CDH23: variants seen among roughly 807,000 people sequenced by gnomAD.
The protein encoded by CDH23 is cadherin related 23, also known as cadherin-23.
Under a neutral mutation model 317.1 loss-of-function variants are expected in CDH23, and 189 were observed. The ratio of observed to expected loss-of-function variants is 0.60; its 90% CI spans 0.53 to 0.67. The LOEUF (loss-of-function observed/expected upper bound fraction) is 0.67. CDH23 is among the 30% of genes least tolerant of loss of function. The probability of loss-of-function intolerance (pLI) is 0.00; values close to 1 mark genes in which losing one functional copy is unlikely to be tolerated. For missense variants in CDH23, 4,401 were observed against 4,592.4 expected, an observed-to-expected ratio of 0.96 and a Z score of 1.20; for synonymous variants, 1,839 against 1,876.8, an observed-to-expected ratio of 0.98 and a Z score of 0.52.
chr10:71,405,144 T>A (rs1848035650), intron 1 of CDH23, among the ~76,000 whole-genome samples: 1 of 152,216 alleles, frequency 6.6e-6, no homozygotes, highest in Non-Finnish European at 1.5e-5. Context: ...GGATGCCCTT[T>A]AGCTCTGCCC....
In CDH23 at chr10:71,784,289, G is replaced by A; in HGVS notation, c.5371G>A (p.Glu1791Lys). 6.2e-7 allele frequency: 1 copy of A among 1,613,214 alleles called. No homozygotes were observed. The highest frequency in any genetic ancestry group is 8.5e-7 in the Non-Finnish European group (1 of 1,179,370). Residue 1791 changes from glutamate (E) to lysine (K), a missense_variant and splice_region_variant, in exon 42 of 70, where the codon GAG becomes AAG. Transcript: ENST00000224721. ...YSIMDGDPLGEFVISPVEGVL... is the reference protein window; with the variant it reads ...YSIMDGDPLGKFVISPVEGVL... ...GGGCCTCTCCTGGTGACACCCAGGG[G>A]AGTTTGTGATCTCTCCTGTGGAGGG...
intron 38 of CDH23, among the ~76,000 whole-genome samples, chr10:71,774,424 C>T (rs1277829947): frequency 6.6e-6 from 1 of 152,208 alleles, no homozygotes; most frequent in Non-Finnish European, 1.5e-5. Flanking sequence ...CCTGACCCTT[C>T]CTTTTTCCCG....
At chr10:71,773,484 G>GCGGGACGCGGC in intron 38 of CDH23, 1 of 1,542,520 alleles carries the variant, frequency 6.5e-7, no homozygotes, top group Non-Finnish European at 8.8e-7. Context: ...CGGGGAGCGG[G>GCGGGACGCGGC]CGGGACGCGG....
chr10:71,788,476 G>A (rs1841158399), intron 44 of CDH23, among the ~76,000 whole-genome samples: 1 of 151,254 alleles, frequency 6.6e-6, no homozygotes, highest in African/African-American at 2.4e-5. Context: ...TTTTTTTTGA[G>A]ATGGAGTCTT....
At position 71,688,945 on chromosome 10, in the gene CDH23, C is replaced by T. The variant is rs111217694; in HGVS notation, c.2059+1226C>T. ...GTGGAGCCAGGGGTGGTGGAGCCAA[C>T]GGTGGTGGAGTCAGGGGTGGTGGAG... On this transcript the variant is annotated intron_variant, in intron 19 of 69. Transcript: ENST00000224721. Among the ~76,000 whole-genome samples the T allele has an allele frequency of 1.1e-4, 3 of 27,992 alleles. 1 individual carries two copies. The highest frequency in any genetic ancestry group is 2.7e-4 in the Non-Finnish European group (3 of 11,122). 18.4% of individuals were successfully genotyped at this position (27,992 alleles called of 152,430 possible). A position where few individuals can be genotyped will look rare whatever the true frequency, so the allele number is the denominator to read the frequency against.
chr10:71,537,893 G>A (rs188435862), intron 6 of CDH23, among the ~76,000 whole-genome samples: 77 of 152,258 alleles, frequency 5.1e-4, no homozygotes, highest in African/African-American at 1.7e-3. Flanking sequence ...AACTGAAGCC[G>A]ACTCCTCCCA....
intron 6 of CDH23, among the ~76,000 whole-genome samples, chr10:71,554,622 T>C (rs1024010303): frequency 8.5e-5 from 13 of 152,336 alleles, no homozygotes; most frequent in African/African-American, 3.1e-4. Context: ...GCCCAGCTTC[T>C]GGACTACAGG....
intron 3 of CDH23, among the ~76,000 whole-genome samples, chr10:71,509,709 C>T (rs1329102660): frequency 1.3e-5 from 2 of 152,192 alleles, no homozygotes; most frequent in African/African-American, 4.8e-5. Context: ...GACTTATATG[C>T]TCATCTTGGA....
At chr10:71,527,306 C>A (rs910313307) in intron 6 of CDH23, among the ~76,000 whole-genome samples, 3 of 152,252 alleles carry the variant, frequency 2.0e-5, no homozygotes, top group African/African-American at 7.2e-5. Flanking sequence ...GGTCAGTGCC[C>A]CCAAGTGCTA....
chr10:71,641,649 G>A (rs866307907), intron 11 of CDH23, among the ~76,000 whole-genome samples: 149 of 152,200 alleles, frequency 9.8e-4, no homozygotes, highest in African/African-American at 3.3e-3. Flanking sequence ...GGAATTCCTG[G>A]GGGAGGGAGA....
chr10:71,806,036 C>T (rs1482859710), intron 56 of CDH23, 39 bp downstream of exon 56: 2 of 642,684 alleles, frequency 3.1e-6, no homozygotes, highest in African/African-American at 2.1e-5. Context: ...GGGTCTGGGG[C>T]GGGGCTTTCT....
At chr10:71,694,411 C>T (rs1865298987) in intron 21 of CDH23, among the ~76,000 whole-genome samples, 152 bp downstream of exon 21, 1 of 152,074 alleles carries the variant, frequency 6.6e-6, no homozygotes, top group African/African-American at 2.4e-5. Flanking sequence ...CAGCAGAGGT[C>T]AGCCCCCGGG....
chr10:71,788,929 G>T lies in CDH23; in HGVS notation c.5821-11G>T, dbSNP rs1841170669. 7.0e-7 allele frequency: 1 copy of T among 1,438,588 alleles called. No homozygotes were observed. The highest frequency in any genetic ancestry group is 9.8e-7 in the Non-Finnish European group (1 of 1,020,014). 89.1% of individuals were successfully genotyped at this position (1,438,588 alleles called of 1,614,324 possible). On this transcript the variant is annotated splice_polypyrimidine_tract_variant and intron_variant, in intron 44 of 69. Transcript: ENST00000224721. The stretch of plus-strand genomic sequence containing the variant: ...CATGGCCTACAACGTGCCCCATTCT[G>T]CCCCTTGCAGGATTATGACTTGCTT...
Position 71,443,205 on chromosome 10 carries a change from G to T in CDH23, c.68-3113G>T, listed in dbSNP as rs1159167054. 2.0e-5 allele frequency among the ~76,000 whole-genome samples: 3 copies of T among 152,210 alleles called. No individual in the cohort carries two copies. In the East Asian group the frequency reaches 5.8e-4, roughly 29 times the overall value. On this transcript the variant is annotated intron_variant, in intron 2 of 69. Transcript: ENST00000224721. The stretch of plus-strand genomic sequence containing the variant: ...CCGGGGCTTGGACTCAGACTGGCCT[G>T]GCTGGAATCTGGACCCTCCACTTGC...
chr10:71,706,806 C>T, intron 25 of CDH23, 91 bp from the exon 26 acceptor site: 2 of 1,499,112 alleles, frequency 1.3e-6, no homozygotes. Context: ...AATTCATTCC[C>T]TACTTGGTCT....
At chr10:71,716,714 A>G in intron 28 of CDH23, 1 of 194,374 alleles carries the variant, frequency 5.1e-6, no homozygotes, top group Non-Finnish European at 1.0e-5. Context: ...GTGGCCAGGA[A>G]CGAGTTATGG....
intron 11 of CDH23, among the ~76,000 whole-genome samples, chr10:71,640,198 A>G (rs1388193826): frequency 6.6e-6 from 1 of 152,150 alleles, no homozygotes; most frequent in Non-Finnish European, 1.5e-5. Flanking sequence ...TCTTCCAGGC[A>G]TCTTTGAGCT....
At chr10:71,645,263 C>A (rs992430273) in intron 12 of CDH23, among the ~76,000 whole-genome samples, 3 of 152,228 alleles carry the variant, frequency 2.0e-5, no homozygotes, top group African/African-American at 4.8e-5. Context: ...AGTGTGGGAT[C>A]CCTGGCCATT....
At chr10:71,792,232 C>T (rs1370523910) in intron 47 of CDH23, among the ~76,000 whole-genome samples, 1 of 152,146 alleles carries the variant, frequency 6.6e-6, no homozygotes. Flanking sequence ...TAATCAATTA[C>T]ATCCAATTAT....
Sources: gnomAD v4.1 joint callset for allele counts (sites outside exome capture counted in the v4.1 genomes callset) on GRCh38, gnomAD v4.1.1 for gene constraint, MANE v1.5 for transcripts, NCBI Gene and HGNC (gene_info 2026-07-23, HGNC 2026-07-21) for gene names.